DTWD1: variants seen among roughly 807,000 people sequenced by gnomAD.
The protein encoded by DTWD1 is tRNA-uridine aminocarboxypropyltransferase 1.
In DTWD1, 27 loss-of-function variants were observed where a neutral mutation model predicts 30.2. The observed-to-expected ratio is 0.90, with a 90% confidence interval of 0.66 to 1.23. The LOEUF (loss-of-function observed/expected upper bound fraction) is 1.23, where lower values mean the gene tolerates loss of function less well. DTWD1 is among the 50% of genes most tolerant of loss of function. DTWD1 has a pLI of 0.00. For synonymous variants in DTWD1, 99 were observed against 113.1 expected (o/e 0.88, Z 0.79); for missense variants, 342 against 348.8 (o/e 0.98, Z 0.15).
At chr15:49,630,931 G>A in intron 2 of DTWD1, 1 of 412,084 alleles carries the variant, frequency 2.4e-6, no homozygotes, top group Non-Finnish European at 4.9e-6. Context: ...GTGCATACAA[G>A]GGACCTAGAT....
At position 49,649,747 on chromosome 15, in the gene DTWD1, A is replaced by T. The variant is rs1400054538; in HGVS notation, c.*6169A>T. On this transcript the variant is annotated 3_prime_UTR_variant, in exon 5 of 5. Transcript: ENST00000403028. ...AGTGAGACTCCGTCTCAAAAAAAAT[A>T]AATAAAAAAATAAAAAGTCAGCAAA... 1 of 152,190 alleles carries T rather than the reference A, an allele frequency of 6.6e-6. No homozygotes were observed. 9.4% of individuals were successfully genotyped at this position (152,190 alleles called of 1,614,324 possible). A position where few individuals can be genotyped will look rare whatever the true frequency, so the allele number is the denominator to read the frequency against.
At chr15:49,637,403 A>G (rs566779804) in intron 4 of DTWD1, among the ~76,000 whole-genome samples, 2 of 152,200 alleles carry the variant, frequency 1.3e-5, no homozygotes, top group East Asian at 1.9e-4. Context: ...CCTGGAATCA[A>G]TTGTTTTTCT....
At chr15:49,628,232 T>C (rs901860662) in intron 2 of DTWD1, among the ~76,000 whole-genome samples, 7 of 152,168 alleles carry the variant, frequency 4.6e-5, no homozygotes, top group African/African-American at 1.7e-4. Context: ...GGAGCTGTCA[T>C]CTCCTATGAT....
intron 2 of DTWD1, among the ~76,000 whole-genome samples, chr15:49,628,512 TGG>T (rs2078875158): frequency 6.6e-6 from 1 of 152,204 alleles, no homozygotes; most frequent in South Asian, 2.1e-4. Flanking sequence ...AATGTTACAA[TGG>T]TTACACTTCG....
Position 49,650,315 on chromosome 15 carries a change from A to G in DTWD1, c.*6737A>G, listed in dbSNP as rs2079145775. 6.6e-6 allele frequency: 1 copy of G among 152,124 alleles called. No individual in the cohort carries two copies. Among genetic ancestry groups the G allele is most frequent in the African/African-American group, 2.4e-5 (1 of 41,436 alleles). The allele number at this position is 152,124 out of a possible 1,614,324, so 9.4% of individuals were successfully genotyped here. ...GTGACAGGATCTGACTTATATTTTTAAAGGATTATTTGGCTTCTTTATGAA... is the reference window on the plus strand; with the variant it reads ...GTGACAGGATCTGACTTATATTTTTGAAGGATTATTTGGCTTCTTTATGAA... On this transcript the variant is annotated 3_prime_UTR_variant, in exon 5 of 5. Transcript: ENST00000403028.
chr15:49,635,096 A>G (rs2078984191), intron 4 of DTWD1, among the ~76,000 whole-genome samples: 1 of 151,984 alleles, frequency 6.6e-6, no homozygotes, highest in Non-Finnish European at 1.5e-5. Context: ...GTGCAATGGC[A>G]CAATCTTGGC....
In DTWD1 at chr15:49,646,444, A is replaced by G. The variant is rs1199949880; in HGVS notation, c.*2866A>G. On this transcript the variant is annotated 3_prime_UTR_variant, in exon 5 of 5. Coordinates refer to ENST00000403028, the MANE Select transcript of DTWD1 (RefSeq NM_001144955.2). Reference sequence around the variant, plus strand: ...AGTAACAGATTACCAGCAGGTTTGTATGATTCCTCTGCTTGAGATCAATTA... The same window carrying G: ...AGTAACAGATTACCAGCAGGTTTGTGTGATTCCTCTGCTTGAGATCAATTA... The G allele has an allele frequency of 1.3e-5, 2 of 152,108 alleles. No homozygotes were observed. The highest frequency in any genetic ancestry group is 2.9e-5 in the Non-Finnish European group (2 of 68,032). 9.4% of individuals were successfully genotyped at this position (152,108 alleles called of 1,614,324 possible).
rs1555588572 is a variant in DTWD1, at chr15:49,633,043, C to CTATCTATATATATATATATATA, written c.408+744_408+745insCTATATATATATATATATATAT. Among the ~76,000 whole-genome samples, 265 of 129,272 alleles carry CTATCTATATATATATATATATA rather than the reference C, an allele frequency of 2.0e-3. 4 individuals are homozygous for CTATCTATATATATATATATATA. Among genetic ancestry groups the CTATCTATATATATATATATATA allele is most frequent in the Non-Finnish European group, 2.3e-3 (142 of 60,720 alleles). 84.8% of individuals were successfully genotyped at this position (129,272 alleles called of 152,430 possible). On this transcript the variant is annotated intron_variant, in intron 3 of 4. Coordinates refer to ENST00000403028, the MANE Select transcript of DTWD1 (RefSeq NM_001144955.2). Reference sequence around the variant, plus strand: ...TAAATTTTTACTTTCCTATTTATATCTATATCTATATATATATATATATAT... The same window carrying CTATCTATATATATATATATATA: ...TAAATTTTTACTTTCCTATTTATATCTATCTATATATATATATATATATATATCTATATATATATATATATAT...
intron 4 of DTWD1, among the ~76,000 whole-genome samples, chr15:49,637,485 A>G (rs1235411759): frequency 2.0e-5 from 3 of 152,156 alleles, no homozygotes; most frequent in African/African-American, 7.2e-5. Flanking sequence ...TACTTTTGGG[A>G]TGTCATTGCT....
chr15:49,637,077 T>C (rs1194775757), intron 4 of DTWD1, among the ~76,000 whole-genome samples: 2 of 152,184 alleles, frequency 1.3e-5, no homozygotes, highest in African/African-American at 4.8e-5. Context: ...AATTACATGA[T>C]TTCTTCCTAC....
Position 49,654,446 on chromosome 15 carries a change from TA to T in DTWD1, c.*10870del, listed in dbSNP as rs556051872. On this transcript the variant is annotated 3_prime_UTR_variant, in exon 5 of 5. Transcript: ENST00000403028. ...TTTGACCAATAAAATGTGGTAAAAG[TA>T]AGGTCTGGCAGTTTTCACTTTCACT... is the stretch of plus-strand genomic sequence containing the variant. 6.3e-4 allele frequency: 96 copies of T among 152,148 alleles called. No homozygotes were observed. The highest frequency in any genetic ancestry group is 2.0e-3 in the African/African-American group (85 of 41,548). 9.4% of individuals were successfully genotyped at this position (152,148 alleles called of 1,614,324 possible). A position where few individuals can be genotyped will look rare whatever the true frequency, so the allele number is the denominator to read the frequency against.
At chr15:49,626,036 C>T (rs1389744863) in intron 2 of DTWD1, among the ~76,000 whole-genome samples, 1 of 151,964 alleles carries the variant, frequency 6.6e-6, no homozygotes, top group African/African-American at 2.4e-5. Flanking sequence ...GCCCTACAGA[C>T]CACTAAACCT....
rs542934143 is a variant in DTWD1 at position 49,654,615 on chromosome 15, G to C, written c.*11037G>C. On this transcript the variant is annotated 3_prime_UTR_variant, in exon 5 of 5. Transcript: ENST00000403028. The stretch of plus-strand genomic sequence containing the variant: ...TGCCCCAGTCAATAGCACTGCCTTA[G>C]TCAGTTTGGGCTAGTATAACAGAAA... 6.6e-6 allele frequency: 1 copy of C among 152,110 alleles called. No homozygotes were observed. The highest frequency in any genetic ancestry group is 2.4e-5 in the African/African-American group (1 of 41,516). 9.4% of individuals were successfully genotyped at this position (152,110 alleles called of 1,614,324 possible).
intron 4 of DTWD1, among the ~76,000 whole-genome samples, chr15:49,639,626 A>C (rs2079042288): frequency 6.6e-6 from 1 of 152,190 alleles, no homozygotes; most frequent in South Asian, 2.1e-4. Context: ...TAGAAATACT[A>C]GGGTATAAAA....
In DTWD1 at chr15:49,647,574, A is replaced by T. The variant is rs1191659734; in HGVS notation, c.*3996A>T. 1.3e-5 allele frequency: 2 copies of T among 152,292 alleles called. No individual in the cohort carries two copies. The highest frequency in any genetic ancestry group is 3.9e-4 in the East Asian group (2 of 5,182). The allele number at this position is 152,292 out of a possible 1,614,324, so 9.4% of individuals were successfully genotyped here. On this transcript the variant is annotated 3_prime_UTR_variant, in exon 5 of 5. Transcript: ENST00000403028. ...TATTTTTTGTCTTCCATGTTACTGG[A>T]AGCATTAATTATAGCAACTTTTTAT... is the stretch of plus-strand genomic sequence containing the variant.
At chr15:49,624,075 T>G (rs921383476) in intron 1 of DTWD1, among the ~76,000 whole-genome samples, 1 of 152,056 alleles carries the variant, frequency 6.6e-6, no homozygotes, top group Non-Finnish European at 1.5e-5. Flanking sequence ...AAAGAAAAAT[T>G]CATTTGATGA....
intron 4 of DTWD1, among the ~76,000 whole-genome samples, chr15:49,635,976 C>T (rs1342038247): frequency 1.3e-5 from 2 of 152,096 alleles, no homozygotes; most frequent in South Asian, 2.1e-4. Context: ...TCTTTCTCAT[C>T]CAGCTTTCCC....
At chr15:49,627,224 T>G (rs1282401588) in intron 2 of DTWD1, among the ~76,000 whole-genome samples, 1 of 152,192 alleles carries the variant, frequency 6.6e-6, no homozygotes, top group Non-Finnish European at 1.5e-5. Flanking sequence ...TGGTCTGGAC[T>G]GTGCAGAGTT....
chr15:49,628,192 C>A (rs1346752704), intron 2 of DTWD1, among the ~76,000 whole-genome samples: 1 of 152,138 alleles, frequency 6.6e-6, no homozygotes, highest in African/African-American at 2.4e-5. Flanking sequence ...CACATCTTGT[C>A]CCACTGGAAG....
Sources: gnomAD v4.1 joint callset for allele counts (sites outside exome capture counted in the v4.1 genomes callset) on GRCh38, gnomAD v4.1.1 for gene constraint, MANE v1.5 for transcripts, NCBI Gene and HGNC (gene_info 2026-07-23, HGNC 2026-07-21) for gene names.